Variants in GATM observed in about 807,000 individuals in gnomAD.
The protein encoded by GATM is glycine amidinotransferase, also known as glycine amidinotransferase, mitochondrial.
Under a neutral mutation model 54.2 loss-of-function variants are expected in GATM, and 23 were observed. The ratio of observed to expected loss-of-function variants is 0.42; its 90% CI spans 0.31 to 0.60. The LOEUF (loss-of-function observed/expected upper bound fraction) is 0.60. Ranked by LOEUF, GATM falls within the 20% of genes least tolerant of loss-of-function variation. The pLI, the probability that GATM is intolerant of heterozygous loss-of-function variation, is 0.14. For synonymous variants in GATM, 168 were observed against 183.1 expected, an observed-to-expected ratio of 0.92 and a Z score of 0.67; for missense variants, 401 against 544.9, an observed-to-expected ratio of 0.74 and a Z score of 2.63.
chr15:45,374,822 C>T (rs1472033759), intron 2 of GATM, among the ~76,000 whole-genome samples: 1 of 152,154 alleles, frequency 6.6e-6, no homozygotes, highest in Non-Finnish European at 1.5e-5. Flanking sequence ...TTTCTGAAGA[C>T]CACGACAATG....
At chr15:45,396,580 C>T (rs990303524) in intron 3 of GATM, among the ~76,000 whole-genome samples, 1 of 152,058 alleles carries the variant, frequency 6.6e-6, no homozygotes. Context: ...TCTTAAGATA[C>T]AGTATTTGGG....
At chr15:45,394,575 C>T (rs942088484) in intron 3 of GATM, among the ~76,000 whole-genome samples, 4 of 152,140 alleles carry the variant, frequency 2.6e-5, no homozygotes, top group East Asian at 1.9e-4. Flanking sequence ...AGGCACCAGG[C>T]GGGTCAGGCA....
At chr15:45,372,957 C>T (rs1347732629) in intron 2 of GATM, among the ~76,000 whole-genome samples, 1 of 152,196 alleles carries the variant, frequency 6.6e-6, no homozygotes, top group African/African-American at 2.4e-5. Context: ...GCATATGATG[C>T]TTTTAATAAT....
At chr15:45,381,826 T>C (rs538962766), upstream of GATM, among the ~76,000 whole-genome samples, 9 of 152,370 alleles carry the variant, frequency 5.9e-5, no homozygotes, top group African/African-American at 2.2e-4. Context: ...TATATTCTCA[T>C]GCCTGGAATG....
rs201891374 is a variant in GATM, at chr15:45,368,660, TA to T, written c.485-401del. ...ATATAATATTACCTCTTTTTTTGGT[TA>T]AAAAAATTGCTAGAAATACATGTGT... On this transcript the variant is annotated intron_variant, in intron 3 of 8. Transcript: ENST00000396659. This position sits in a 1 kb window ranked among gnomAD's most constrained non-coding sequence, Gnocchi z 5.1. Among the ~76,000 whole-genome samples, 2,604 of 150,988 alleles carry T rather than the reference TA, an allele frequency of 0.017. 72 individuals carry two copies. The highest frequency in any genetic ancestry group is 0.059 in the African/African-American group (2,421 of 41,046).
At position 45,368,591 on chromosome 15, in the gene GATM, G is replaced by A. The variant is rs1288512780; in HGVS notation, c.485-331C>T. 3.3e-5 allele frequency among the ~76,000 whole-genome samples: 5 copies of A among 151,808 alleles called. No homozygotes were observed. Among genetic ancestry groups the A allele is most frequent in the South Asian group, 2.1e-4 (1 of 4,800 alleles). ...TGTGCCACCACACTCCAGCCTGGGCGACAGAGTGAGACTCTGTCTCAAACA... is the reference window on the plus strand; with the variant it reads ...TGTGCCACCACACTCCAGCCTGGGCAACAGAGTGAGACTCTGTCTCAAACA... On this transcript the variant is annotated intron_variant, in intron 3 of 8. Transcript: ENST00000396659. This position sits in a 1 kb window ranked among gnomAD's most constrained non-coding sequence, Gnocchi z 5.1.
At chr15:45,398,903 T>C (rs1889965740) in intron 2 of GATM, among the ~76,000 whole-genome samples, 1 of 152,132 alleles carries the variant, frequency 6.6e-6, no homozygotes, top group Non-Finnish European at 1.5e-5. Flanking sequence ...TATAATATGC[T>C]GAAGGGACAA....
At chr15:45,399,277 A>C (rs1416303476) in intron 2 of GATM, among the ~76,000 whole-genome samples, 1 of 152,226 alleles carries the variant, frequency 6.6e-6, no homozygotes, top group South Asian at 2.1e-4. Flanking sequence ...AGTTTTACAC[A>C]GCTTGAGGCT....
At position 45,364,867 on chromosome 15, in the gene GATM, G is replaced by A; in HGVS notation, c.979-7C>T. The A allele has an allele frequency of 9.3e-6, 15 of 1,613,056 alleles. No homozygotes were observed. Among genetic ancestry groups the A allele is most frequent in the Non-Finnish European group, 1.3e-5 (15 of 1,179,418 alleles). On this transcript the variant is annotated splice_region_variant and splice_polypyrimidine_tract_variant and intron_variant, in intron 6 of 8. Transcript: ENST00000396659. ...CTTTCTTGAAAAGATCAATCTGTAA[G>A]ACCAAAAAAAACCCCCAAAACCGTT...
rs769336115 is a variant in GATM at position 45,364,012 on chromosome 15, A to G, written c.1047T>C (p.His349=). 6.3e-7 allele frequency: 1 copy of G among 1,582,084 alleles called. No individual in the cohort carries two copies. The highest frequency in any genetic ancestry group is 1.7e-5 in the Admixed American group (1 of 59,984). Residue 349 remains histidine (H), a synonymous_variant, in exon 8 of 9, where the codon CAT becomes CAC. Coordinates refer to ENST00000396659, the MANE Select transcript of GATM (RefSeq NM_001482.3). The stretch of plus-strand genomic sequence containing the variant: ...GCCATTTGGATGACATCCAGAGTGG[A>G]TGATCTAAAAACAGCAACAACTGTT... ...TPPTPIIPDD[H]PLWMSSKWLS... is the part of the protein sequence containing the mutation.
upstream of GATM, chr15:45,379,487 G>A (rs1889704463): frequency 6.6e-6 from 1 of 152,220 alleles, no homozygotes; most frequent in South Asian, 2.1e-4. Context: ...CAGACGAGCA[G>A]ATGGCATGGT....
upstream of GATM, among the ~76,000 whole-genome samples, chr15:45,381,080 T>C (rs143662277): frequency 1.3e-5 from 2 of 152,358 alleles, no homozygotes; most frequent in South Asian, 2.1e-4. Flanking sequence ...CTGCAAAGTA[T>C]CTATATAGTG....
chr15:45,386,201 C>A (rs1156862916), intron 3 of GATM, among the ~76,000 whole-genome samples: 1 of 152,166 alleles, frequency 6.6e-6, no homozygotes, highest in African/African-American at 2.4e-5. Context: ...GTACAGTATT[C>A]TCTGAACCAT....
chr15:45,376,487 C>G, intron 2 of GATM, 114 bp downstream of exon 2: 1 of 870,850 alleles, frequency 1.1e-6, no homozygotes, highest in East Asian at 2.4e-5. Context: ...AGTAAGATAA[C>G]TTAATCACTG....
In GATM at chr15:45,369,458, C is replaced by T; in HGVS notation, c.352G>A (p.Asp118Asn). The T allele has an allele frequency of 6.2e-7, 1 of 1,614,162 alleles. No individual in the cohort carries two copies. Among genetic ancestry groups the T allele is most frequent in the Non-Finnish European group, 8.5e-7 (1 of 1,180,002 alleles). ...QKQGGHYFPK[D>N]HLKKAVAEIE... ...TCAGCAACAGCCTTTTTCAAATGAT[C>T]TTTGGGAAAATAATGCCCTCCTTGC... Residue 118 changes from aspartate to asparagine, a missense_variant, in exon 3 of 9, where the codon GAT becomes AAT. Asp to Asn is a conservative substitution (Grantham distance 23). Transcript: ENST00000396659.
intron 3 of GATM, among the ~76,000 whole-genome samples, chr15:45,394,684 G>A (rs1020202999): frequency 2.6e-5 from 4 of 152,186 alleles, no homozygotes; most frequent in African/African-American, 7.2e-5. Flanking sequence ...AAAATGCCTA[G>A]GCATTCATGG....
intron 3 of GATM, among the ~76,000 whole-genome samples, chr15:45,387,135 G>A (rs1889813279): frequency 6.6e-6 from 1 of 152,202 alleles, no homozygotes; most frequent in Non-Finnish European, 1.5e-5. Flanking sequence ...ATTTAGTAAT[G>A]ACAGACTATG....
At chr15:45,395,791 C>T (rs1003609808) in intron 3 of GATM, among the ~76,000 whole-genome samples, 2 of 152,114 alleles carry the variant, frequency 1.3e-5, no homozygotes, top group African/African-American at 4.8e-5. Flanking sequence ...CACCATTGTA[C>T]TATAGTGCTC....
rs1315070362 is a variant in GATM at position 45,364,825 on chromosome 15, A to G, written c.1014T>C (p.Ile338=). The G allele has an allele frequency of 6.2e-7, 1 of 1,614,054 alleles. No individual in the cohort carries two copies. The highest frequency in any genetic ancestry group is 8.5e-7 in the Non-Finnish European group (1 of 1,179,938). The change falls in exon 7 of 9, where the codon ATT becomes ATC. Residue 338 remains isoleucine, a synonymous_variant. Transcript: ENST00000396659. ...DLFKKAGWTI[I]TPPTPIIPDD... ...CTGGGATGATTGGTGTTGGAGGAGT[A>G]ATGATAGTCCATCCTGCTTTCTTGA... is the stretch of plus-strand genomic sequence containing the variant.
Sources: allele counts gnomAD v4.1 joint callset (sites outside exome capture counted in the v4.1 genomes callset), GRCh38; gene constraint gnomAD v4.1.1; non-coding constraint Gnocchi (gnomAD v3.1); transcripts MANE v1.5; gene names NCBI Gene and HGNC (gene_info 2026-07-23, HGNC 2026-07-21).